FMN1: variants seen among roughly 807,000 people sequenced by gnomAD.
FMN1 encodes formin 1.
In FMN1, 110 loss-of-function variants were observed where a neutral mutation model predicts 132.4. The ratio of observed to expected loss-of-function variants is 0.83; its 90% CI spans 0.71 to 0.97. The LOEUF (loss-of-function observed/expected upper bound fraction) is 0.97, where lower values mean the gene tolerates loss of function less well. FMN1 is among the 50% of genes least tolerant of loss of function. FMN1 has a pLI of 0.00. For missense variants in FMN1, 1,792 were observed against 1,705.3 expected, an observed-to-expected ratio of 1.05 and a Z score of -0.90; for synonymous variants, 722 against 651.7, an observed-to-expected ratio of 1.11 and a Z score of -1.64.
intron 6 of FMN1, chr15:33,012,195 C>A: frequency 1.7e-6 from 1 of 598,002 alleles, no homozygotes; most frequent in East Asian, 3.3e-5. Context: ...GCTTTGAAAC[C>A]ACCGATAAGT....
At chr15:33,093,748 T>C (rs2038983094) in intron 4 of FMN1, among the ~76,000 whole-genome samples, 1 of 152,194 alleles carries the variant, frequency 6.6e-6, no homozygotes, top group African/African-American at 2.4e-5. Flanking sequence ...AGAGAAAGGC[T>C]GATGGCAAAT....
chr15:33,089,082 TTTGC>T (rs1323012160), intron 4 of FMN1, 108 bp from the exon 5 acceptor site: 8 of 892,576 alleles, frequency 9.0e-6, no homozygotes, highest in African/African-American at 8.5e-5. Flanking sequence ...TAGCTCTTAC[TTTGC>T]TTTCTAAGTT....
chr15:33,074,218 C>T (rs115666173), intron 5 of FMN1, among the ~76,000 whole-genome samples: 2,645 of 152,280 alleles, frequency 0.017, 76 homozygotes, highest in African/African-American at 0.061. Flanking sequence ...TCAGCATCTT[C>T]GTTATACTCA....
At chr15:33,064,881 G>GA (rs1419770950) in intron 6 of FMN1, 76 bp downstream of exon 6, 9 of 977,234 alleles carry the variant, frequency 9.2e-6, no homozygotes, top group Non-Finnish European at 1.4e-5. Flanking sequence ...CAAATTCTGA[G>GA]AGTCAACTAA....
At position 33,018,105 on chromosome 15, in the gene FMN1, C is replaced by A. The variant is rs531421962; in HGVS notation, c.2162-10030G>T. ...AAAAATTTATATGTTAAAATCCTAC[C>A]CCCTTAAGGTGATGGTACTAGGAGA... On this transcript the variant is annotated intron_variant, in intron 6 of 20. Transcript: ENST00000616417. Among the ~76,000 whole-genome samples the A allele has an allele frequency of 9.9e-5, 15 of 152,068 alleles. No individual in the cohort carries two copies. The East Asian group carries it at 2.7e-3, about 27-fold the overall frequency.
chr15:32,936,129 T>A (rs1204434765), intron 9 of FMN1, among the ~76,000 whole-genome samples: 1 of 152,226 alleles, frequency 6.6e-6, no homozygotes, highest in East Asian at 1.9e-4. Flanking sequence ...TGTCATTTTG[T>A]TCATGTATCT....
rs547666156 is a variant in FMN1 at position 32,850,975 on chromosome 15, G to A, written c.3928+6040C>T. 5.1e-3 allele frequency among the ~76,000 whole-genome samples: 780 copies of A among 152,050 alleles called. 4 individuals are homozygous for A. Among genetic ancestry groups the A allele is most frequent in the African/African-American group, 0.017 (720 of 41,468 alleles). On this transcript the variant is annotated intron_variant, in intron 17 of 20. Coordinates refer to ENST00000616417, the MANE Select transcript of FMN1 (RefSeq NM_001277313.2). ...TTGGAGGCTGAGGCAGGAGAATGGC[G>A]TGAACCCGGGAGGCAGAGCTTGCAG...
chr15:32,966,034 A>T (rs568567211), intron 8 of FMN1, among the ~76,000 whole-genome samples: 1 of 152,142 alleles, frequency 6.6e-6, no homozygotes, highest in South Asian at 2.1e-4. Context: ...GGAATTCTGG[A>T]GTGAGCATGC....
At chr15:33,071,484 GAAGA>G (rs2037998153) in intron 5 of FMN1, among the ~76,000 whole-genome samples, 1 of 152,210 alleles carries the variant, frequency 6.6e-6, no homozygotes, top group Non-Finnish European at 1.5e-5. Context: ...ACATAAGAAT[GAAGA>G]TAGCCCTGCC....
chr15:32,828,149 C>T (rs888213621), intron 17 of FMN1, among the ~76,000 whole-genome samples: 2 of 152,112 alleles, frequency 1.3e-5, no homozygotes, highest in African/African-American at 4.8e-5. Flanking sequence ...TAGCAGGTAC[C>T]TGTAATCCCA....
At chr15:32,900,473 C>T (rs945302109) in intron 13 of FMN1, among the ~76,000 whole-genome samples, 13 of 152,064 alleles carry the variant, frequency 8.5e-5, no homozygotes, top group Admixed American at 4.6e-4. Context: ...AAGGCTTAAC[C>T]TTTGATGACT....
At chr15:33,105,606 C>T (rs16964979) in intron 4 of FMN1, among the ~76,000 whole-genome samples, 17,443 of 152,038 alleles carry the variant, frequency 0.11, 1,881 homozygotes, top group East Asian at 0.61. Context: ...TGAGATCAGG[C>T]GGAAAAATAG....
At chr15:32,934,102 A>T (rs2061195118) in intron 9 of FMN1, among the ~76,000 whole-genome samples, 1 of 151,514 alleles carries the variant, frequency 6.6e-6, no homozygotes, top group Non-Finnish European at 1.5e-5. Flanking sequence ...ACTTGCTTTG[A>T]TTCTTTTCTT....
At chr15:32,908,245 AAAAG>A (rs1165037601) in intron 12 of FMN1, 1 of 410,362 alleles carries the variant, frequency 2.4e-6, no homozygotes, top group Middle Eastern at 6.8e-4. Context: ...AGTTGCTAGA[AAAAG>A]AAAGGGGAGT....
chr15:33,146,372 C>A (rs1456324979), intron 4 of FMN1, among the ~76,000 whole-genome samples: 1 of 152,194 alleles, frequency 6.6e-6, no homozygotes, highest in Non-Finnish European at 1.5e-5. Context: ...CAGAAGTGTT[C>A]TCTCTTGGTA....
chr15:32,903,799 G>C (rs2060354037), intron 12 of FMN1, among the ~76,000 whole-genome samples: 1 of 152,212 alleles, frequency 6.6e-6, no homozygotes, highest in South Asian at 2.1e-4. Flanking sequence ...AGAAAGGGTA[G>C]GATAGAATTG....
At chr15:32,902,898 T>C (rs1020277682) in intron 12 of FMN1, among the ~76,000 whole-genome samples, 1 of 152,212 alleles carries the variant, frequency 6.6e-6, no homozygotes, top group African/African-American at 2.4e-5. Flanking sequence ...CTAACAGCCA[T>C]TTATTTCATT....
intron 9 of FMN1, among the ~76,000 whole-genome samples, chr15:32,934,711 A>C (rs2061217347): frequency 6.7e-6 from 1 of 148,630 alleles, no homozygotes; most frequent in African/African-American, 2.5e-5. Flanking sequence ...GGTTCAAGCG[A>C]TTCTCCTGCC....
intron 7 of FMN1, among the ~76,000 whole-genome samples, chr15:33,001,693 T>TC (rs2034125836): frequency 7.6e-6 from 1 of 130,886 alleles, no homozygotes; most frequent in Non-Finnish European, 1.6e-5. Flanking sequence ...CCCCTCCCCT[T>TC]CCGCCTCCCC....
Sources: gnomAD v4.1 joint callset for allele counts (sites outside exome capture counted in the v4.1 genomes callset) on GRCh38, gnomAD v4.1.1 for gene constraint, MANE v1.5 for transcripts, NCBI Gene and HGNC (gene_info 2026-07-23, HGNC 2026-07-21) for gene names.